CSGALNACT2: variants seen among roughly 807,000 people sequenced by gnomAD.
The protein encoded by CSGALNACT2 is beta 4 GalNAcT-2.
CSGALNACT2 carries 35 observed loss-of-function variants against 55.3 expected under a neutral mutation model. The ratio of observed to expected loss-of-function variants is 0.63; its 90% CI spans 0.48 to 0.84. The LOEUF (loss-of-function observed/expected upper bound fraction) is 0.84, where lower values mean the gene tolerates loss of function less well. CSGALNACT2 is among the 40% of genes least tolerant of loss of function. The pLI is 0.00. For synonymous variants in CSGALNACT2, 196 were observed against 224.9 expected, an observed-to-expected ratio of 0.87 and a Z score of 1.15; for missense variants, 544 against 657.5, an observed-to-expected ratio of 0.83 and a Z score of 1.89.
At chr10:43,168,257 C>T (rs1026261907) in intron 6 of CSGALNACT2, among the ~76,000 whole-genome samples, 2 of 152,108 alleles carry the variant, frequency 1.3e-5, no homozygotes, top group Non-Finnish European at 2.9e-5. Context: ...TCGAGACCAG[C>T]ATGGCCAATA....
intron 6 of CSGALNACT2, among the ~76,000 whole-genome samples, chr10:43,174,868 C>A (rs943218104): frequency 2.6e-5 from 4 of 152,198 alleles, no homozygotes; most frequent in African/African-American, 9.7e-5. Flanking sequence ...TTACTAGAAC[C>A]ATATCCAAAA....
intron 4 of CSGALNACT2, chr10:43,163,125 A>T: frequency 1.0e-6 from 1 of 985,342 alleles, no homozygotes; most frequent in Non-Finnish European, 1.2e-6. Flanking sequence ...ATTATTTTGA[A>T]TGACCTTTAC....
chr10:43,140,971 A>G (rs1400711850), intron 1 of CSGALNACT2, among the ~76,000 whole-genome samples: 1 of 152,384 alleles, frequency 6.6e-6, no homozygotes, highest in Admixed American at 6.5e-5. Flanking sequence ...GTAAGACAAA[A>G]GAAAGCTTTA....
At chr10:43,172,222 A>T (rs752482805) in intron 6 of CSGALNACT2, among the ~76,000 whole-genome samples, 1 of 152,226 alleles carries the variant, frequency 6.6e-6, no homozygotes. Context: ...TAAAAGGATA[A>T]ATTGAATTAT....
chr10:43,151,087 C>T (rs374033958), intron 1 of CSGALNACT2, among the ~76,000 whole-genome samples: 1 of 152,164 alleles, frequency 6.6e-6, no homozygotes, highest in Non-Finnish European at 1.5e-5. Context: ...AATTTTTGAA[C>T]ATAAACATCA....
At chr10:43,156,091 G>T (rs994363359) in intron 2 of CSGALNACT2, among the ~76,000 whole-genome samples, 2 of 152,174 alleles carry the variant, frequency 1.3e-5, no homozygotes, top group African/African-American at 4.8e-5. Context: ...AGCTCTTGTT[G>T]CATGTGTATG....
rs904998861 is a variant in CSGALNACT2 at position 43,174,051 on chromosome 10, A to G, written c.1255-1900A>G. On this transcript the variant is annotated intron_variant, in intron 6 of 7. Coordinates refer to ENST00000374466, the MANE Select transcript of CSGALNACT2 (RefSeq NM_018590.5). ...TTTGCCACTAAAATTATGTCTCTCT[A>G]TATATTTATTTATTCAACACGTATT... is the stretch of plus-strand genomic sequence containing the variant. 3.3e-5 allele frequency among the ~76,000 whole-genome samples: 5 copies of G among 152,006 alleles called. No homozygotes were observed. In the South Asian group the frequency reaches 6.2e-4, roughly 19 times the overall value.
In CSGALNACT2 at chr10:43,155,467, C is replaced by T. The variant is rs41298781; in HGVS notation, c.318C>T (p.Gly106=). ...AAAGAAGGAATGTAGGGGCTAATGG[C>T]ATAGGCTATCAGAGCAACAAAGAGC... ...LQERRNVGAN[G]IGYQSNKEQA... is the part of the protein sequence containing the mutation. Residue 106 remains glycine, a synonymous_variant, in exon 2 of 8, where the codon GGC becomes GGT. Coordinates refer to ENST00000374466, the MANE Select transcript of CSGALNACT2 (RefSeq NM_018590.5). The T allele has an allele frequency of 0.055, 88,456 of 1,614,106 alleles. 2,817 individuals carry two copies. The highest frequency in any genetic ancestry group is 0.096 in the South Asian group (8,746 of 91,084).
intron 4 of CSGALNACT2, chr10:43,162,751 T>G: frequency 2.1e-6 from 2 of 940,268 alleles, no homozygotes; most frequent in Non-Finnish European, 2.5e-6. Flanking sequence ...TGTGAAAATG[T>G]AGAGGCTTCT....
intron 5 of CSGALNACT2, among the ~76,000 whole-genome samples, chr10:43,165,332 T>G (rs539801559): frequency 6.6e-6 from 1 of 152,026 alleles, no homozygotes; most frequent in Non-Finnish European, 1.5e-5. Flanking sequence ...ACTTACAAAT[T>G]GCTAAGCCAG....
Position 43,183,873 on chromosome 10 carries a change from G to C in CSGALNACT2, c.*331G>C, listed in dbSNP as rs747449766. 8.8e-4 allele frequency: 292 copies of C among 332,378 alleles called. 1 individual carries two copies. Among genetic ancestry groups the C allele is most frequent in the Non-Finnish European group, 1.3e-3 (231 of 174,858 alleles). 20.6% of individuals were successfully genotyped at this position (332,378 alleles called of 1,614,324 possible). ...GGTGTCCTGATTGCATCTAGGTGGAGCGGATGGAATGTGCTGGGCCACTGT... is the reference window on the plus strand; with the variant it reads ...GGTGTCCTGATTGCATCTAGGTGGACCGGATGGAATGTGCTGGGCCACTGT... On this transcript the variant is annotated 3_prime_UTR_variant, in exon 8 of 8. Coordinates refer to ENST00000374466, the MANE Select transcript of CSGALNACT2 (RefSeq NM_018590.5).
rs374509066 is a variant in CSGALNACT2 at position 43,155,213 on chromosome 10, C to T, written c.64C>T (p.Leu22Phe). The T allele has an allele frequency of 1.2e-6, 2 of 1,614,010 alleles. No homozygotes were observed. The highest frequency in any genetic ancestry group is 1.3e-5 in the African/African-American group (1 of 74,900). The stretch of plus-strand genomic sequence containing the variant: ...CTGGTTGCTGTTGGGCCTTGCTTTG[C>T]TCTGCAGTTTGGTATTATTTATGTA... ...THWLLLGLALLCSLVLFMYLL... is the reference protein window; with the variant it reads ...THWLLLGLALFCSLVLFMYLL... Residue 22 changes from leucine to phenylalanine, a missense_variant, in exon 2 of 8, where the codon CTC (leucine) becomes TTC (phenylalanine). Physicochemically the swap from Leu to Phe is conservative, Grantham distance 22. Around this residue, in one of 2 missense-constraint regions of CSGALNACT2, gnomAD observed 374 missense variants for 401.3 expected, o/e 0.93. Coordinates refer to ENST00000374466, the MANE Select transcript of CSGALNACT2 (RefSeq NM_018590.5).
chr10:43,157,844 C>T (rs1487947569), intron 2 of CSGALNACT2, among the ~76,000 whole-genome samples: 1 of 151,960 alleles, frequency 6.6e-6, no homozygotes, highest in South Asian at 2.1e-4. Flanking sequence ...TCCTGGCCAA[C>T]ATAGTGAAAC....
intron 7 of CSGALNACT2, among the ~76,000 whole-genome samples, chr10:43,178,469 A>G (rs1369181177): frequency 2.6e-5 from 4 of 152,012 alleles, no homozygotes; most frequent in African/African-American, 9.7e-5. Flanking sequence ...AAAAATACAA[A>G]AATTAGCCAG....
At chr10:43,177,191 A>C (rs903133340) in intron 7 of CSGALNACT2, among the ~76,000 whole-genome samples, 1 of 152,200 alleles carries the variant, frequency 6.6e-6, no homozygotes, top group Non-Finnish European at 1.5e-5. Context: ...AGCAAGCAGC[A>C]TTTCACTATT....
Position 43,143,011 on chromosome 10 carries a change from G to A in CSGALNACT2, c.-254+4444G>A, listed in dbSNP as rs9804389. On this transcript the variant is annotated intron_variant, in intron 1 of 7. Coordinates refer to ENST00000374466, the MANE Select transcript of CSGALNACT2 (RefSeq NM_018590.5). ...CTTGTCATGTTTTACTTGAATAAGT[G>A]TTATAATTATACTCTAAGGTAGGTT... 2.4e-3 allele frequency among the ~76,000 whole-genome samples: 370 copies of A among 152,282 alleles called. 2 individuals carry two copies. Among genetic ancestry groups the A allele is most frequent in the African/African-American group, 8.4e-3 (349 of 41,552 alleles).
intron 2 of CSGALNACT2, among the ~76,000 whole-genome samples, chr10:43,157,889 C>T (rs1839050462): frequency 1.3e-5 from 2 of 151,854 alleles, no homozygotes; most frequent in Admixed American, 6.6e-5. Flanking sequence ...ATTAGCTGGG[C>T]GTGGTGACAC....
chr10:43,174,008 A>G (rs1349930265), intron 6 of CSGALNACT2, among the ~76,000 whole-genome samples: 1 of 152,064 alleles, frequency 6.6e-6, no homozygotes, highest in Non-Finnish European at 1.5e-5. Context: ...AATAATAATA[A>G]TAGAGTCTAG....
intron 2 of CSGALNACT2, among the ~76,000 whole-genome samples, chr10:43,158,398 A>T (rs1839064911): frequency 6.6e-6 from 1 of 152,022 alleles, no homozygotes; most frequent in Admixed American, 6.5e-5. Context: ...TGCTAGAAGT[A>T]ATTTCTTTAT....
Sources: gnomAD v4.1 joint callset for allele counts (sites outside exome capture counted in the v4.1 genomes callset) on GRCh38, gnomAD v4.1.1 for gene constraint, gnomAD v4.1.1 regional missense constraint, MANE v1.5 for transcripts, NCBI Gene and HGNC (gene_info 2026-07-23, HGNC 2026-07-21) for gene names.